Variants in TNNT2 observed in about 807,000 individuals in gnomAD.
TNNT2 encodes the protein troponin T, cardiac muscle.
In TNNT2, 34 loss-of-function variants were observed where a neutral mutation model predicts 62.4. That is an observed-to-expected ratio of 0.54 (90% CI 0.41 to 0.72). TNNT2 has a LOEUF of 0.72. TNNT2 is among the 30% of genes least tolerant of loss of function. The probability of loss-of-function intolerance (pLI) is 0.00; values close to 1 mark genes in which losing one functional copy is unlikely to be tolerated. For synonymous variants in TNNT2, 123 were observed against 127.2 expected (o/e 0.97, Z 0.22); for missense variants, 275 against 381.9 (o/e 0.72, Z 2.33).
At chr1:201,363,257 A>G (rs1659029065) in intron 12 of TNNT2, 39 bp downstream of exon 12, 11 of 1,612,688 alleles carry the variant, frequency 6.8e-6, no homozygotes, top group Non-Finnish European at 8.5e-6. Flanking sequence ...TCAGGGCTAT[A>G]CTAGGATCTC....
chr1:201,365,078 A>G, intron 10 of TNNT2, 113 bp downstream of exon 10: 1 of 870,026 alleles, frequency 1.1e-6, no homozygotes, highest in East Asian at 2.4e-5. Flanking sequence ...CCTCACACCT[A>G]GCTGGGTTTG....
intron 7 of TNNT2, 118 bp from the exon 8 acceptor site, chr1:201,366,989 C>T (rs2102275134): frequency 1.3e-6 from 2 of 1,550,782 alleles, no homozygotes; most frequent in Middle Eastern, 1.7e-4. Flanking sequence ...CAGTGAGTCC[C>T]TCCCGGCACT....
At position 201,367,758 on chromosome 1, in the gene TNNT2, C is replaced by T. The variant is rs1181945066; in HGVS notation, c.199+13G>A. On this transcript the variant is annotated intron_variant, in intron 7 of 16. Coordinates refer to ENST00000656932, the MANE Select transcript of TNNT2 (RefSeq NM_001276345.2). ...CCTTTGCCTCCCTTGTACCTCTCTC[C>T]TGATATCCTTACCTTCAGCCTCCTT... The T allele has an allele frequency of 1.7e-5, 27 of 1,614,058 alleles. No individual in the cohort carries two copies. Among genetic ancestry groups the T allele is most frequent in the African/African-American group, 2.7e-5 (2 of 74,926 alleles).
At chr1:201,363,737 T>C (rs1050319629) in intron 11 of TNNT2, 2 of 412,930 alleles carry the variant, frequency 4.8e-6, no homozygotes, top group Admixed American at 7.2e-5. Flanking sequence ...CCACGAAGTC[T>C]GCACTGGGGA....
intron 7 of TNNT2, chr1:201,367,148 C>A: frequency 1.8e-6 from 1 of 568,802 alleles, no homozygotes; most frequent in African/African-American, 1.9e-5. Flanking sequence ...CAGTTCTGGG[C>A]AAAGCAATTT....
At chr1:201,366,297 G>T in intron 8 of TNNT2, 1 of 1,023,368 alleles carries the variant, frequency 9.8e-7, no homozygotes, top group South Asian at 4.0e-5. Context: ...GTGGGCAGAG[G>T]TGCCATGGGT....
intron 1 of TNNT2, chr1:201,375,249 C>G (rs1187011330): frequency 6.6e-6 from 1 of 152,402 alleles, no homozygotes; most frequent in African/African-American, 2.4e-5. Context: ...GAGGCTTCCC[C>G]AGACTCAGCA....
intron 15 of TNNT2, among the ~76,000 whole-genome samples, chr1:201,360,257 C>T (rs1237613342): frequency 6.6e-6 from 1 of 152,200 alleles, no homozygotes; most frequent in African/African-American, 2.4e-5. Context: ...GTCCTGAGCA[C>T]CTTCCCAGAT....
chr1:201,367,910 G>A, intron 6 of TNNT2, 104 bp from the exon 7 acceptor site: 1 of 1,395,806 alleles, frequency 7.2e-7, no homozygotes, highest in Non-Finnish European at 1.0e-6. Flanking sequence ...TAGCCAAGAT[G>A]CACTCTGTTG....
intron 8 of TNNT2, chr1:201,365,873 T>C: frequency 1.4e-6 from 2 of 1,447,660 alleles, no homozygotes; most frequent in Non-Finnish European, 1.8e-6. Flanking sequence ...CTCTTTCACA[T>C]ATGCTATTTC....
At chr1:201,369,146 C>A (rs1323836760) in intron 5 of TNNT2, among the ~76,000 whole-genome samples, 1 of 152,154 alleles carries the variant, frequency 6.6e-6, no homozygotes, top group African/African-American at 2.4e-5. Flanking sequence ...ATATAATATA[C>A]CCCAGCCCAC....
intron 1 of TNNT2, among the ~76,000 whole-genome samples, chr1:201,375,779 G>T (rs1661311097): frequency 6.6e-6 from 1 of 152,200 alleles, no homozygotes; most frequent in Non-Finnish European, 1.5e-5. Context: ...GCCAGCCTGG[G>T]CGCATAGCTT....
At chr1:201,363,638 C>G in intron 11 of TNNT2, 1 of 536,070 alleles carries the variant, frequency 1.9e-6, no homozygotes, top group East Asian at 3.4e-5. Context: ...CTCGTCATCC[C>G]CTTAAGCTGG....
intron 11 of TNNT2, 37 bp from the exon 12 acceptor site, chr1:201,363,443 G>A (rs1659079278): frequency 1.3e-6 from 2 of 1,584,530 alleles, no homozygotes; most frequent in Non-Finnish European, 1.7e-6. Flanking sequence ...CAAATTAGGG[G>A]AAAGGATTGG....
chr1:201,364,591 C>G (rs1197773395), intron 10 of TNNT2, among the ~76,000 whole-genome samples: 3 of 152,226 alleles, frequency 2.0e-5, no homozygotes, highest in African/African-American at 7.2e-5. Context: ...CAACATTCCT[C>G]ATGGTGAGAC....
intron 7 of TNNT2, chr1:201,367,416 A>G (rs1659860152): frequency 2.2e-6 from 1 of 457,506 alleles, no homozygotes; most frequent in Admixed American, 3.5e-5. Context: ...ATGACCATCT[A>G]TGCATTGGGA....
At chr1:201,362,343 A>C in intron 13 of TNNT2, 43 bp downstream of exon 13, 1 of 1,612,426 alleles carries the variant, frequency 6.2e-7, no homozygotes, top group East Asian at 2.2e-5. Context: ...GGAGCTCTCC[A>C]AAACTATGGG....
In TNNT2 at chr1:201,369,309, G is replaced by A. The variant is rs116145699; in HGVS notation, c.97+507C>T. The A allele has an allele frequency of 4.1e-4, 193 of 472,458 alleles. 3 individuals carry two copies. Among genetic ancestry groups the A allele is most frequent in the African/African-American group, 1.7e-3 (87 of 50,194 alleles). The allele number at this position is 472,458 out of a possible 1,614,324, so 29.3% of individuals were successfully genotyped here. On this transcript the variant is annotated intron_variant, in intron 5 of 16. Coordinates refer to ENST00000656932, the MANE Select transcript of TNNT2 (RefSeq NM_001276345.2). Reference sequence around the variant, plus strand: ...GTCCTGTGCTCCCCATCAGCAGGGCGCATCTGAAGGCTGACGTCATGTCCT... The same window carrying A: ...GTCCTGTGCTCCCCATCAGCAGGGCACATCTGAAGGCTGACGTCATGTCCT...
intron 15 of TNNT2, chr1:201,360,934 C>T (rs1658504277): frequency 2.6e-6 from 1 of 389,694 alleles, no homozygotes; most frequent in Non-Finnish European, 4.9e-6. Context: ...GTTGGCAGCA[C>T]TCCCCTTCCA....
Sources: gnomAD v4.1 joint callset for allele counts (sites outside exome capture counted in the v4.1 genomes callset) on GRCh38, gnomAD v4.1.1 for gene constraint, MANE v1.5 for transcripts, NCBI Gene and HGNC (gene_info 2026-07-23, HGNC 2026-07-21) for gene names.